The following AKAP7 variants were observed in gnomAD, a reference collection of about 807,000 sequenced individuals.
AKAP7 encodes the protein A-kinase anchoring protein 7.
In AKAP7, 39 loss-of-function variants were observed where a neutral mutation model predicts 39.5. The ratio of observed to expected loss-of-function variants is 0.99; its 90% CI spans 0.76 to 1.29. The LOEUF (loss-of-function observed/expected upper bound fraction) is 1.29, where lower values mean the gene tolerates loss of function less well. AKAP7 is among the 50% of genes most tolerant of loss of function. The pLI is 0.00. For missense variants in AKAP7, 414 were observed against 407.7 expected (o/e 1.02, Z -0.13); for synonymous variants, 140 against 139.1 (o/e 1.01, Z -0.05).
rs193154890 is a variant in AKAP7 at position 131,239,588 on chromosome 6, T to C, written c.850+19780T>C. On this transcript the variant is annotated intron_variant, in intron 7 of 7. Transcript: ENST00000431975. ...TCTTTTCACATAGTGCCATATTTCT[T>C]GGAGGCTTTGTTTGTTTCTTTTTAT... is the stretch of plus-strand genomic sequence containing the variant. Among the ~76,000 whole-genome samples the C allele has an allele frequency of 4.2e-3, 635 of 152,344 alleles. 6 individuals carry two copies. Among genetic ancestry groups the C allele is most frequent in the African/African-American group, 0.015 (604 of 41,576 alleles).
intron 6 of AKAP7, among the ~76,000 whole-genome samples, chr6:131,218,101 GACTT>G (rs1809351341): frequency 6.6e-6 from 1 of 152,018 alleles, no homozygotes; most frequent in Non-Finnish European, 1.5e-5. Context: ...TTTATAAATG[GACTT>G]ACTTAGTCCA....
At chr6:131,279,503 G>A (rs1303426675) in intron 7 of AKAP7, among the ~76,000 whole-genome samples, 3 of 152,150 alleles carry the variant, frequency 2.0e-5, no homozygotes, top group Admixed American at 6.5e-5. Context: ...TCTTGACCTC[G>A]TGATCCACCT....
chr6:131,128,705 C>G, the AKAP7 span, among the ~76,000 whole-genome samples: 2 of 151,572 alleles, frequency 1.3e-5, no homozygotes, highest in African/African-American at 4.9e-5. Context: ...GCCTGTAATC[C>G]CAGCTACTCA....
intron 7 of AKAP7, among the ~76,000 whole-genome samples, chr6:131,241,768 G>A (rs1379030629): frequency 6.6e-6 from 1 of 151,900 alleles, no homozygotes; most frequent in Non-Finnish European, 1.5e-5. Flanking sequence ...GATATGTATT[G>A]TACAGAAAGG....
intron 7 of AKAP7, among the ~76,000 whole-genome samples, chr6:131,272,975 T>C (rs1161786864): frequency 6.6e-6 from 1 of 152,194 alleles, no homozygotes; most frequent in African/African-American, 2.4e-5. Flanking sequence ...TATTAACCTT[T>C]TAGTTCTATC....
chr6:131,203,838 G>A (rs1807842638), intron 6 of AKAP7, among the ~76,000 whole-genome samples: 1 of 151,952 alleles, frequency 6.6e-6, no homozygotes, highest in Non-Finnish European at 1.5e-5. Flanking sequence ...CTGTTTCTTT[G>A]GTACCACAAA....
At chr6:131,236,496 A>G (rs575437742) in intron 7 of AKAP7, among the ~76,000 whole-genome samples, 58 of 152,342 alleles carry the variant, frequency 3.8e-4, no homozygotes, top group African/African-American at 1.3e-3. Flanking sequence ...TACCTTTGGC[A>G]GTATGGCCAT....
chr6:131,234,359 G>A (rs544256821), intron 7 of AKAP7, among the ~76,000 whole-genome samples: 173 of 152,288 alleles, frequency 1.1e-3, no homozygotes, highest in Non-Finnish European at 2.1e-3. Flanking sequence ...AAGTGGTAAT[G>A]ACTGTAATGA....
At chr6:131,153,605 A>G (rs1011494433) in intron 2 of AKAP7, among the ~76,000 whole-genome samples, 8 of 152,174 alleles carry the variant, frequency 5.3e-5, no homozygotes, top group African/African-American at 1.9e-4. Flanking sequence ...ATGGGAAGAC[A>G]GTTTAGTATT....
chr6:131,265,544 G>T (rs1813716182), intron 7 of AKAP7, among the ~76,000 whole-genome samples: 1 of 152,204 alleles, frequency 6.6e-6, no homozygotes, highest in Non-Finnish European at 1.5e-5. Flanking sequence ...TGAGGAGGGA[G>T]TTGGGGAGCT....
chr6:131,263,052 G>A (rs1178206670), intron 7 of AKAP7, among the ~76,000 whole-genome samples: 1 of 152,226 alleles, frequency 6.6e-6, no homozygotes, highest in Non-Finnish European at 1.5e-5. Context: ...AGAAGGATCT[G>A]GGAACTAGTC....
At chr6:131,263,233 A>T (rs1813504228) in intron 7 of AKAP7, among the ~76,000 whole-genome samples, 1 of 152,196 alleles carries the variant, frequency 6.6e-6, no homozygotes, top group Non-Finnish European at 1.5e-5. Flanking sequence ...CAACTTACAG[A>T]CACCACCTCT....
intron 5 of AKAP7, among the ~76,000 whole-genome samples, chr6:131,178,311 A>G (rs1585019711): frequency 1.3e-5 from 2 of 152,228 alleles, no homozygotes; most frequent in South Asian, 2.1e-4. Flanking sequence ...TGCAATGGGC[A>G]TAATAGTAAC....
At chr6:131,169,848 A>G in intron 5 of AKAP7, among the ~76,000 whole-genome samples, 1 of 151,946 alleles carries the variant, frequency 6.6e-6, no homozygotes, top group Non-Finnish European at 1.5e-5. Context: ...ATGTCATTTC[A>G]TGTCATCTCA....
intron 3 of AKAP7, among the ~76,000 whole-genome samples, chr6:131,163,003 T>TCC (rs937906490): frequency 3.6e-5 from 5 of 139,836 alleles, no homozygotes; most frequent in Non-Finnish European, 6.2e-5. Flanking sequence ...TCTTTCGCTC[T>TCC]CGCTCTCTCT....
At chr6:131,276,631 C>T (rs1056144334) in intron 7 of AKAP7, among the ~76,000 whole-genome samples, 6 of 151,802 alleles carry the variant, frequency 4.0e-5, no homozygotes, top group African/African-American at 1.5e-4. Context: ...GGGGAGGATG[C>T]TTAGGAAGCT....
chr6:131,152,480 C>T (rs558646851), intron 2 of AKAP7, among the ~76,000 whole-genome samples: 12 of 152,022 alleles, frequency 7.9e-5, no homozygotes, highest in Non-Finnish European at 1.2e-4. Flanking sequence ...ATACTTTGAC[C>T]ATATATAAAT....
chr6:131,134,162 G>T (rs1195090980), upstream of AKAP7, among the ~76,000 whole-genome samples: 1 of 152,180 alleles, frequency 6.6e-6, no homozygotes, highest in African/African-American at 2.4e-5. Flanking sequence ...GGTAGAGACA[G>T]GGTTTTGCTA....
chr6:131,136,967 T>C, intron 1 of AKAP7: 2 of 659,496 alleles, frequency 3.0e-6, no homozygotes, highest in Non-Finnish European at 3.8e-6. Context: ...TATATATGTA[T>C]ATATGTATTT....
Sources: gnomAD v4.1 joint callset for allele counts (sites outside exome capture counted in the v4.1 genomes callset) on GRCh38, gnomAD v4.1.1 for gene constraint, MANE v1.5 for transcripts, NCBI Gene and HGNC (gene_info 2026-07-23, HGNC 2026-07-21) for gene names.